The following CDKN2B-AS1 variants were observed in gnomAD, a reference collection of about 807,000 sequenced individuals.
CDKN2B-AS1 encodes the protein CDKN2B and CDKN2A antisense cis and trans regulatory RNA 1, also known as CDKN2B antisense RNA 1 (non-protein coding).
At chr9:22,059,902 T>C (rs1168990560) in intron 4 of CDKN2B-AS1, among the ~76,000 whole-genome samples, 1 of 152,206 alleles carries the variant, frequency 6.6e-6, no homozygotes, top group Non-Finnish European at 1.5e-5. Flanking sequence ...CAGCCTGAGC[T>C]ATATATTGGC....
At position 22,006,091 on chromosome 9, in the gene CDKN2B-AS1, G is replaced by A. The variant is rs753878524; in HGVS notation, n.29+10930G>A. 1.2e-6 allele frequency: 2 copies of A among 1,608,192 alleles called. No individual in the cohort carries two copies. Among genetic ancestry groups the A allele is most frequent in the Non-Finnish European group, 1.7e-6 (2 of 1,179,714 alleles). ...CCCCAGGCATCGCGCACGTCCAGCC[G>A]CGCCCCGGCCCGGTGCAGCACCACC... On this transcript the variant is annotated intron_variant and non_coding_transcript_variant, in intron 1 of 4. Transcript: ENST00000650946. The surrounding 1 kb of genome is among the most constrained non-coding windows in gnomAD (Gnocchi z 6.4).
chr9:22,068,863 A>G (rs1321468805), intron 4 of CDKN2B-AS1, among the ~76,000 whole-genome samples: 1 of 152,216 alleles, frequency 6.6e-6, no homozygotes, highest in East Asian at 1.9e-4. Flanking sequence ...GGCTTTAACA[A>G]GTAGTAGCCA....
intron 4 of CDKN2B-AS1, among the ~76,000 whole-genome samples, chr9:22,096,972 G>A (rs961592656): frequency 2.0e-5 from 3 of 152,022 alleles, no homozygotes; most frequent in Non-Finnish European, 4.4e-5. Flanking sequence ...TGCTGGATTT[G>A]CAGTGTTGTG....
chr9:22,024,744 A>G (rs1401967246), intron 1 of CDKN2B-AS1, among the ~76,000 whole-genome samples: 1 of 152,152 alleles, frequency 6.6e-6, no homozygotes, highest in African/African-American at 2.4e-5. Flanking sequence ...TGTGCCTGCA[A>G]AGTGATGTGG....
intron 3 of CDKN2B-AS1, among the ~76,000 whole-genome samples, chr9:22,051,886 A>C (rs1197058121): frequency 6.6e-6 from 1 of 152,142 alleles, no homozygotes; most frequent in East Asian, 1.9e-4. Context: ...CATTTAAAGG[A>C]GTTTGCATCA....
chr9:22,099,250 T>C (rs1430047948), intron 4 of CDKN2B-AS1, among the ~76,000 whole-genome samples: 6 of 152,016 alleles, frequency 3.9e-5, no homozygotes, highest in African/African-American at 1.4e-4. Context: ...CATAGGGTAG[T>C]AGAGAGAAAG....
At chr9:22,069,133 C>T (rs1055694996) in intron 4 of CDKN2B-AS1, among the ~76,000 whole-genome samples, 2 of 152,054 alleles carry the variant, frequency 1.3e-5, no homozygotes, top group Non-Finnish European at 2.9e-5. Flanking sequence ...GAAAATAATG[C>T]GTGGGAAATG....
At chr9:22,059,607 G>A (rs141960819) in intron 4 of CDKN2B-AS1, among the ~76,000 whole-genome samples, 66 of 152,302 alleles carry the variant, frequency 4.3e-4, no homozygotes, top group Middle Eastern at 3.4e-3. Flanking sequence ...ACCACTCTGG[G>A]GTCTGAAGGA....
chr9:22,056,360 A>G (rs7866783), exon 4 of CDKN2B-AS1: 107,811 of 150,904 alleles, frequency 0.71, 40,379 homozygotes, highest in African/African-American at 0.93. Flanking sequence ...GAGACACCAC[A>G]CCCGGCGGAT....
chr9:22,004,975 C>T (rs1011675571), intron 1 of CDKN2B-AS1: 7 of 233,186 alleles, frequency 3.0e-5, no homozygotes, highest in Non-Finnish European at 5.9e-5. Flanking sequence ...AGTTCTTCCT[C>T]ACATTTTAAC....
intron 1 of CDKN2B-AS1, among the ~76,000 whole-genome samples, chr9:22,020,316 T>A (rs139683840): frequency 6.6e-6 from 1 of 152,374 alleles, no homozygotes; most frequent in Non-Finnish European, 1.5e-5. Flanking sequence ...TTGGCTATTG[T>A]GAATACTATT....
At chr9:22,062,011 A>G (rs1020678431) in intron 4 of CDKN2B-AS1, 3 of 152,242 alleles carry the variant, frequency 2.0e-5, no homozygotes, top group African/African-American at 7.2e-5. Context: ...TTAAAAGAAG[A>G]TAATCTTTTC....
intron 4 of CDKN2B-AS1, among the ~76,000 whole-genome samples, chr9:22,059,496 G>A (rs1823720351): frequency 6.6e-6 from 1 of 152,200 alleles, no homozygotes; most frequent in African/African-American, 2.4e-5. Flanking sequence ...CTCCGTCCCT[G>A]TGGCTTTGCA....
At chr9:22,045,459 T>C (rs935617633) in intron 1 of CDKN2B-AS1, among the ~76,000 whole-genome samples, 1 of 152,090 alleles carries the variant, frequency 6.6e-6, no homozygotes, top group African/African-American at 2.4e-5. Context: ...TATAGTTTGC[T>C]TTTGGCACAA....
chr9:22,006,446 T>A lies in CDKN2B-AS1; in HGVS notation n.29+11285T>A, dbSNP rs1821193964. ...ACTTTCCCACCCCACCTTCAGGTTA[T>A]ACTCAGTACAAATTAAATGCCATTT... On this transcript the variant is annotated intron_variant and non_coding_transcript_variant, in intron 1 of 4. Coordinates refer to ENST00000650946, the Ensembl canonical transcript of CDKN2B-AS1. This position sits in a 1 kb window ranked among gnomAD's most constrained non-coding sequence, Gnocchi z 6.4. Among the ~76,000 whole-genome samples, 1 of 152,234 alleles carries A rather than the reference T, an allele frequency of 6.6e-6. No individual in the cohort carries two copies. The highest frequency in any genetic ancestry group is 6.5e-5 in the Admixed American group (1 of 15,284).
chr9:22,115,263 C>T (rs1449795039), intron 4 of CDKN2B-AS1, among the ~76,000 whole-genome samples: 2 of 152,158 alleles, frequency 1.3e-5, no homozygotes, highest in East Asian at 1.9e-4. Flanking sequence ...TTTGGTTCTA[C>T]TTATACTTTC....
At chr9:22,077,122 C>G (rs1824526704) in intron 4 of CDKN2B-AS1, among the ~76,000 whole-genome samples, 1 of 152,126 alleles carries the variant, frequency 6.6e-6, no homozygotes. Flanking sequence ...CTGGTAATCA[C>G]TATTTTATTC....
intron 4 of CDKN2B-AS1, among the ~76,000 whole-genome samples, chr9:22,109,635 G>A (rs570885082): frequency 2.0e-5 from 3 of 152,302 alleles, no homozygotes; most frequent in African/African-American, 7.2e-5. Context: ...ATGGAGGTAA[G>A]AGTGTGATAG....
At chr9:22,105,142 G>A (rs549052694) in intron 4 of CDKN2B-AS1, among the ~76,000 whole-genome samples, 50 of 152,288 alleles carry the variant, frequency 3.3e-4, no homozygotes, top group African/African-American at 7.5e-4. Flanking sequence ...AAAGTAACTC[G>A]TTAAATGAGG....
Sources: gnomAD v4.1 joint callset for allele counts (sites outside exome capture counted in the v4.1 genomes callset) on GRCh38, gnomAD v4.1.1 for gene constraint, Gnocchi (gnomAD v3.1) non-coding constraint, MANE v1.5 for transcripts, NCBI Gene and HGNC (gene_info 2026-07-23, HGNC 2026-07-21) for gene names.